The following EML6 variants were observed in gnomAD, a reference collection of about 807,000 sequenced individuals.
EML6 encodes the protein EMAP like 6.
In EML6, 154 loss-of-function variants were observed where a neutral mutation model predicts 240.1. The ratio of observed to expected loss-of-function variants is 0.64; its 90% CI spans 0.56 to 0.73. EML6 has a LOEUF of 0.73. Among genes scored for constraint, EML6 ranks in the 30% least tolerant of loss-of-function variants. EML6 has a pLI of 0.00. For missense variants in EML6, 2,964 were observed against 2,474.6 expected, an observed-to-expected ratio of 1.20 and a Z score of -4.20; for synonymous variants, 1,148 against 899.0, an observed-to-expected ratio of 1.28 and a Z score of -4.95.
At position 54,730,514 on chromosome 2, in the gene EML6, T is replaced by C. The variant is rs192190297; in HGVS notation, c.197+5256T>C. The stretch of plus-strand genomic sequence containing the variant: ...ACACTTCATGTATATGTCATCCTAT[T>C]GAATTCTCCCACCCTCAACACTGAG... On this transcript the variant is annotated intron_variant, in intron 2 of 41. Transcript: ENST00000356458. Among the ~76,000 whole-genome samples, 4 of 152,326 alleles carry C rather than the reference T, an allele frequency of 2.6e-5. No homozygotes were observed. The East Asian group carries it at 7.7e-4, about 29-fold the overall frequency.
Position 54,824,790 on chromosome 2 carries a change from A to G in EML6, c.526-2776A>G, listed in dbSNP as rs527771398. 1.9e-3 allele frequency among the ~76,000 whole-genome samples: 285 copies of G among 152,232 alleles called. 2 individuals carry two copies. Among genetic ancestry groups the G allele is most frequent in the African/African-American group, 6.4e-3 (267 of 41,520 alleles). On this transcript the variant is annotated intron_variant, in intron 5 of 41. Transcript: ENST00000356458. ...TCAGGGACTACCTAGGGCTAGATGA[A>G]CTCAAGGTACCTGCCAGCTCTAACA...
intron 17 of EML6, chr2:54,882,250 C>G (rs1671854156): frequency 6.6e-6 from 1 of 151,000 alleles, no homozygotes; most frequent in Admixed American, 6.6e-5. Flanking sequence ...TCGGTTACCT[C>G]CATTACAAAT....
chr2:54,945,960 C>T (rs1044845537), intron 28 of EML6, among the ~76,000 whole-genome samples: 1 of 152,180 alleles, frequency 6.6e-6, no homozygotes, highest in Non-Finnish European at 1.5e-5. Context: ...TGACTCTCCC[C>T]ACAGGCACTG....
At chr2:54,939,780 G>A (rs1022009554) in intron 28 of EML6, among the ~76,000 whole-genome samples, 1 of 152,200 alleles carries the variant, frequency 6.6e-6, no homozygotes, top group African/African-American at 2.4e-5. Flanking sequence ...TCCCATACAA[G>A]TCTAGGGGTG....
At chr2:54,733,263 G>A (rs1683250165) in intron 2 of EML6, among the ~76,000 whole-genome samples, 2 of 152,178 alleles carry the variant, frequency 1.3e-5, no homozygotes, top group Non-Finnish European at 2.9e-5. Flanking sequence ...TAAGGCATGA[G>A]CCTTCATTTT....
At chr2:54,856,900 G>T (rs1245654609) in intron 11 of EML6, among the ~76,000 whole-genome samples, 1 of 152,198 alleles carries the variant, frequency 6.6e-6, no homozygotes, top group East Asian at 1.9e-4. Flanking sequence ...CCAGGTAAGA[G>T]ATGGTGTGGC....
At chr2:54,808,700 T>C (rs1460969481) in intron 2 of EML6, among the ~76,000 whole-genome samples, 3 of 152,214 alleles carry the variant, frequency 2.0e-5, no homozygotes, top group African/African-American at 7.2e-5. Context: ...TGATTAATAT[T>C]GATGAGTGTT....
intron 38 of EML6, 117 bp downstream of exon 38, chr2:54,964,850 C>T: frequency 1.1e-6 from 1 of 898,424 alleles, no homozygotes; most frequent in Middle Eastern, 2.9e-4. Flanking sequence ...CACTCTTCAC[C>T]AGAACTCCTT....
chr2:54,898,575 T>A (rs1013588041), intron 21 of EML6, among the ~76,000 whole-genome samples: 1 of 152,238 alleles, frequency 6.6e-6, no homozygotes, highest in Non-Finnish European at 1.5e-5. Flanking sequence ...GAATGTCAGT[T>A]GTATTTGGAA....
At chr2:54,897,247 T>A (rs543855922) in intron 21 of EML6, among the ~76,000 whole-genome samples, 4 of 152,334 alleles carry the variant, frequency 2.6e-5, no homozygotes, top group African/African-American at 4.8e-5. Flanking sequence ...CTTGAGGTAG[T>A]TTGGTTTAAA....
intron 2 of EML6, among the ~76,000 whole-genome samples, chr2:54,788,450 C>T (rs1339080920): frequency 6.6e-6 from 1 of 151,950 alleles, no homozygotes; most frequent in African/African-American, 2.4e-5. Context: ...GTCATGTGTC[C>T]ACGCTTAGGA....
intron 41 of EML6, among the ~76,000 whole-genome samples, chr2:54,969,569 G>A (rs1161475083): frequency 1.3e-5 from 2 of 152,206 alleles, no homozygotes; most frequent in Non-Finnish European, 2.9e-5. Flanking sequence ...CAACCCAATT[G>A]TGAACAAGCT....
intron 2 of EML6, among the ~76,000 whole-genome samples, chr2:54,803,284 A>G (rs1670278762): frequency 2.0e-5 from 3 of 152,296 alleles, no homozygotes; most frequent in South Asian, 2.1e-4. Flanking sequence ...ATCAAAGCCA[A>G]CTAAACTGGT....
At chr2:54,780,128 AG>A (rs1668788657) in intron 2 of EML6, among the ~76,000 whole-genome samples, 1 of 152,194 alleles carries the variant, frequency 6.6e-6, no homozygotes, top group Admixed American at 6.5e-5. Context: ...ACATGCATTT[AG>A]CCAACTGAGA....
Position 54,863,845 on chromosome 2 carries a change from G to T in EML6, c.1888G>T (p.Asp630Tyr), listed in dbSNP as rs200135540. Reference sequence around the variant, plus strand: ...AGATTTATCTGATGTGCCCGAACTGGACTCTGATATTGAGCAAGAAGCTCA... The same window carrying T: ...AGATTTATCTGATGTGCCCGAACTGTACTCTGATATTGAGCAAGAAGCTCA... ...DSDLSDVPELDSDIEQEAQIN... is the reference protein window; with the variant it reads ...DSDLSDVPELYSDIEQEAQIN... Residue 630 changes from aspartate (D) to tyrosine (Y), a missense_variant, in exon 13 of 42, where the codon GAC (aspartate) becomes TAC (tyrosine). By Grantham distance (160) the Asp-to-Tyr change is radical. Transcript: ENST00000356458. 1 of 1,548,952 alleles carries T rather than the reference G, an allele frequency of 6.5e-7. No individual in the cohort carries two copies. Among genetic ancestry groups the T allele is most frequent in the Non-Finnish European group, 8.7e-7 (1 of 1,145,848 alleles).
At chr2:54,935,354 A>G (rs889182167) in intron 28 of EML6, among the ~76,000 whole-genome samples, 3 of 152,182 alleles carry the variant, frequency 2.0e-5, no homozygotes, top group Non-Finnish European at 4.4e-5. Flanking sequence ...TGTTCTTTCT[A>G]ATGGAAAGTG....
intron 24 of EML6, among the ~76,000 whole-genome samples, chr2:54,908,873 A>G (rs560533599): frequency 6.6e-6 from 1 of 152,236 alleles, no homozygotes; most frequent in South Asian, 2.1e-4. Flanking sequence ...CTGCCCGCAG[A>G]GTATAAACAT....
intron 2 of EML6, among the ~76,000 whole-genome samples, chr2:54,790,678 TATCAGG>T (rs1386312983): frequency 2.6e-5 from 4 of 151,946 alleles, no homozygotes; most frequent in Non-Finnish European, 4.4e-5. Context: ...TCCATATTAG[TATCAGG>T]ACCCTATTGT....
At chr2:54,836,708 A>G (rs1229069985) in intron 7 of EML6, among the ~76,000 whole-genome samples, 2 of 152,044 alleles carry the variant, frequency 1.3e-5, no homozygotes, top group Non-Finnish European at 2.9e-5. Flanking sequence ...AGGGCCTGGT[A>G]CTCAGGAGGG....
Sources: allele counts gnomAD v4.1 joint callset (sites outside exome capture counted in the v4.1 genomes callset), GRCh38; gene constraint gnomAD v4.1.1; transcripts MANE v1.5; gene names NCBI Gene and HGNC (gene_info 2026-07-23, HGNC 2026-07-21).